Variants in RBFOX1 observed in about 807,000 individuals in gnomAD.
The protein encoded by RBFOX1 is RNA binding protein fox-1 homolog 1.
A neutral mutation model predicts 57.7 loss-of-function variants in RBFOX1; 8 were observed. The observed-to-expected ratio is 0.14, with a 90% CI of 0.08 to 0.25. The LOEUF (loss-of-function observed/expected upper bound fraction) is 0.25. Among genes scored for constraint, RBFOX1 ranks in the 10% least tolerant of loss-of-function variants. RBFOX1 has a pLI of 1.00. For missense variants in RBFOX1, 611 were observed against 548.5 expected (o/e 1.11, Z -1.14); for synonymous variants, 326 against 222.4 (o/e 1.47, Z -4.15).
At chr16:6,206,421 T>C (rs2097255738) in intron 1 of RBFOX1, among the ~76,000 whole-genome samples, 1 of 152,166 alleles carries the variant, frequency 6.6e-6, no homozygotes, top group African/African-American at 2.4e-5. Context: ...ATTGCTTCCT[T>C]CTCAATTCTT....
At chr16:6,077,662 C>A (rs12927124) in intron 1 of RBFOX1, among the ~76,000 whole-genome samples, 58,181 of 151,694 alleles carry the variant, frequency 0.38, 12,533 homozygotes, top group Non-Finnish European at 0.51. Context: ...TGCGCTCTTG[C>A]GTCAACCTTG....
chr16:6,326,638 A>T (rs552468819), intron 2 of RBFOX1, among the ~76,000 whole-genome samples: 1 of 152,146 alleles, frequency 6.6e-6, no homozygotes, highest in South Asian at 2.1e-4. Flanking sequence ...AAGTCCATAA[A>T]CCTGCACTCT....
At chr16:7,507,294 A>G (rs1011610389) in intron 4 of RBFOX1, among the ~76,000 whole-genome samples, 4 of 152,358 alleles carry the variant, frequency 2.6e-5, no homozygotes, top group Admixed American at 6.5e-5. Context: ...TCATGAAACA[A>G]TATAAACTCT....
At chr16:7,251,604 G>T (rs140975000) in intron 4 of RBFOX1, among the ~76,000 whole-genome samples, 1 of 152,028 alleles carries the variant, frequency 6.6e-6, no homozygotes, top group African/African-American at 2.4e-5. Context: ...ATTTTTAGTG[G>T]AGACGAAGTT....
chr16:6,380,562 TAA>T (rs2091708844), intron 2 of RBFOX1, among the ~76,000 whole-genome samples: 1 of 151,400 alleles, frequency 6.6e-6, no homozygotes, highest in Admixed American at 6.6e-5. Context: ...AAATGGCAGG[TAA>T]AGTTATGGAC....
chr16:6,239,374 C>G (rs2097527650), intron 1 of RBFOX1, among the ~76,000 whole-genome samples: 1 of 150,990 alleles, frequency 6.6e-6, no homozygotes, highest in African/African-American at 2.4e-5. Flanking sequence ...TCAGTAAATG[C>G]TTGTCATATG....
At chr16:7,273,904 G>T (rs888382066) in intron 4 of RBFOX1, among the ~76,000 whole-genome samples, 1 of 152,188 alleles carries the variant, frequency 6.6e-6, no homozygotes, top group East Asian at 1.9e-4. Context: ...AATTCTCTCA[G>T]TTGTCATTGA....
At chr16:6,955,494 A>G (rs1211969436) in intron 3 of RBFOX1, among the ~76,000 whole-genome samples, 1 of 151,812 alleles carries the variant, frequency 6.6e-6, no homozygotes, top group Non-Finnish European at 1.5e-5. Context: ...GCAAGATATG[A>G]ATCTCACGGA....
intron 14 of RBFOX1, among the ~76,000 whole-genome samples, chr16:7,690,229 C>T (rs574887931): frequency 9.9e-5 from 15 of 152,116 alleles, no homozygotes; most frequent in South Asian, 2.1e-4. Context: ...CACTGGCACT[C>T]TCTTAACCTC....
At chr16:6,227,226 A>C (rs1184755842) in intron 1 of RBFOX1, among the ~76,000 whole-genome samples, 2 of 152,232 alleles carry the variant, frequency 1.3e-5, no homozygotes, top group Non-Finnish European at 2.9e-5. Flanking sequence ...AGCATGAACC[A>C]GAATTCCCTG....
intron 2 of RBFOX1, among the ~76,000 whole-genome samples, chr16:6,644,365 C>G (rs891808565): frequency 1.3e-5 from 2 of 152,164 alleles, no homozygotes; most frequent in African/African-American, 4.8e-5. Context: ...AAAAATGTAT[C>G]TTGTGTTAAT....
intron 1 of RBFOX1, among the ~76,000 whole-genome samples, chr16:6,219,096 G>A (rs1240163481): frequency 6.6e-6 from 1 of 152,172 alleles, no homozygotes; most frequent in Non-Finnish European, 1.5e-5. Flanking sequence ...AAAAAATCAA[G>A]TGTAAATTGA....
At chr16:6,650,116 C>G (rs918964818) in intron 2 of RBFOX1, among the ~76,000 whole-genome samples, 1 of 152,122 alleles carries the variant, frequency 6.6e-6, no homozygotes, top group East Asian at 1.9e-4. Flanking sequence ...TACAGTAGAT[C>G]TGTTTTTAAT....
intron 2 of RBFOX1, among the ~76,000 whole-genome samples, chr16:6,334,312 A>G (rs930591945): frequency 6.6e-6 from 1 of 152,036 alleles, no homozygotes; most frequent in Non-Finnish European, 1.5e-5. Flanking sequence ...GTTTGAGACT[A>G]GCCTGGGCAA....
chr16:5,322,067 C>G lies in RBFOX1; in HGVS notation c.219+81962C>G, dbSNP rs569941983. On this transcript the variant is annotated intron_variant, in intron 1 of 2. Coordinates refer to the RBFOX1 transcript ENST00000585867. ...GCTTAGGGGGCTTTAGCATGTTTCA[C>G]AAGGCCTCAAAAATATAACCGGGAC... is the stretch of plus-strand genomic sequence containing the variant. Among the ~76,000 whole-genome samples, 141 of 152,268 alleles carry G rather than the reference C, an allele frequency of 9.3e-4. 1 individual carries two copies. Among genetic ancestry groups the G allele is most frequent in the South Asian group, 4.8e-3 (23 of 4,816 alleles).
At chr16:6,142,995 G>C (rs1480923064) in intron 1 of RBFOX1, among the ~76,000 whole-genome samples, 1 of 152,124 alleles carries the variant, frequency 6.6e-6, no homozygotes, top group Non-Finnish European at 1.5e-5. Context: ...TCCTGAGCAA[G>C]GTAATAGTAT....
intron 11 of RBFOX1, among the ~76,000 whole-genome samples, chr16:7,635,440 T>C (rs1029467307): frequency 1.3e-5 from 2 of 152,192 alleles, no homozygotes; most frequent in South Asian, 2.1e-4. Flanking sequence ...ATACACACCA[T>C]TGTAATAATG....
chr16:6,867,988 A>G (rs970982509), intron 3 of RBFOX1, among the ~76,000 whole-genome samples: 1 of 152,032 alleles, frequency 6.6e-6, no homozygotes, highest in Admixed American at 6.6e-5. Flanking sequence ...TCTGTACTTG[A>G]TTTTTTCTGA....
chr16:7,471,394 G>T (rs2061531913), intron 4 of RBFOX1, among the ~76,000 whole-genome samples: 2 of 151,974 alleles, frequency 1.3e-5, no homozygotes, highest in African/African-American at 2.4e-5. Flanking sequence ...ATACATTTTG[G>T]TAGATGTTCC....
Sources: gnomAD v4.1 joint callset for allele counts (sites outside exome capture counted in the v4.1 genomes callset) on GRCh38, gnomAD v4.1.1 for gene constraint, MANE v1.5 for transcripts, NCBI Gene and HGNC (gene_info 2026-07-23, HGNC 2026-07-21) for gene names.